PPARD: variants seen among roughly 807,000 people sequenced by gnomAD.
PPARD encodes the protein peroxisome proliferator-activated receptor delta.
PPARD carries 6 observed loss-of-function variants against 39.5 expected under a neutral mutation model. That is an observed-to-expected ratio of 0.15 (90% CI 0.08 to 0.30). The LOEUF (loss-of-function observed/expected upper bound fraction) is 0.30. Ranked by LOEUF, PPARD falls within the 10% of genes least tolerant of loss-of-function variation. The pLI, the probability that PPARD is intolerant of heterozygous loss-of-function variation, is 1.00. For missense variants in PPARD, 397 were observed against 596.8 expected, an observed-to-expected ratio of 0.67 and a Z score of 3.49; for synonymous variants, 210 against 231.3, an observed-to-expected ratio of 0.91 and a Z score of 0.83.
chr6:35,403,244 C>T (rs1764816365), intron 2 of PPARD, among the ~76,000 whole-genome samples: 1 of 152,218 alleles, frequency 6.6e-6, no homozygotes, highest in East Asian at 1.9e-4. Context: ...ATAATAGCAG[C>T]AGCCACTGTG....
Position 35,425,726 on chromosome 6 carries a change from C to CGG in PPARD, c.1079-105_1079-104dup. The CGG allele has an allele frequency of 6.7e-7, 1 of 1,493,200 alleles. No homozygotes were observed. Among genetic ancestry groups the CGG allele is most frequent in the Non-Finnish European group, 9.1e-7 (1 of 1,103,412 alleles). 92.5% of individuals were successfully genotyped at this position (1,493,200 alleles called of 1,614,324 possible). On this transcript the variant is annotated intron_variant, in intron 7 of 7. Coordinates refer to ENST00000360694, the MANE Select transcript of PPARD (RefSeq NM_006238.5). The surrounding 1 kb of genome is among the most constrained non-coding windows in gnomAD (Gnocchi z 4.5). The stretch of plus-strand genomic sequence containing the variant: ...TGATGGGACAGGGCTTGGTCTGTCA[C>CGG]GGCCAAGGAGGCCTGCCGTCCCCTG...
intron 5 of PPARD, 45 bp downstream of exon 5, chr6:35,422,003 G>T: frequency 6.4e-7 from 1 of 1,555,136 alleles, no homozygotes; most frequent in South Asian, 1.2e-5. Flanking sequence ...GCTCCACACA[G>T]CCTGAAACCA....
intron 2 of PPARD, among the ~76,000 whole-genome samples, chr6:35,364,431 C>CTTTTT (rs529866520): frequency 2.4e-5 from 3 of 127,174 alleles, no homozygotes; most frequent in East Asian, 2.1e-4. Context: ...CCATGTTTAA[C>CTTTTT]TTTTTTTTTT....
At chr6:35,418,217 A>G (rs958174582) in intron 3 of PPARD, among the ~76,000 whole-genome samples, 2 of 152,250 alleles carry the variant, frequency 1.3e-5, no homozygotes, top group Admixed American at 1.3e-4. Context: ...GCACAGATTC[A>G]AGGAGGAAGT....
At position 35,414,495 on chromosome 6, in the gene PPARD, C is replaced by T. The variant is rs1044074883; in HGVS notation, c.130+3278C>T. Among the ~76,000 whole-genome samples the T allele has an allele frequency of 2.0e-5, 3 of 152,052 alleles. No homozygotes were observed. The East Asian group carries it at 5.8e-4, about 29-fold the overall frequency. On this transcript the variant is annotated intron_variant, in intron 3 of 7. Coordinates refer to ENST00000360694, the MANE Select transcript of PPARD (RefSeq NM_006238.5). Reference sequence around the variant, plus strand: ...CAGGTGAGGGGCCCTGGAGACAGAGCCTGATCATGTGTCCAGAGCAGAAGG... The same window carrying T: ...CAGGTGAGGGGCCCTGGAGACAGAGTCTGATCATGTGTCCAGAGCAGAAGG...
intron 3 of PPARD, among the ~76,000 whole-genome samples, chr6:35,419,577 G>C (rs911415747): frequency 2.6e-5 from 4 of 152,204 alleles, no homozygotes; most frequent in Non-Finnish European, 5.9e-5. Context: ...GCTTCTTGAA[G>C]AGATTGTTTA....
At chr6:35,355,598 CTTTT>C (rs1166499750) in intron 2 of PPARD, among the ~76,000 whole-genome samples, 6 of 33,458 alleles carry the variant, frequency 1.8e-4, no homozygotes, top group Admixed American at 5.0e-4. Context: ...TCTTCTTCTT[CTTTT>C]TTTTTTTTTT....
At chr6:35,361,610 C>A (rs1003660816) in intron 2 of PPARD, among the ~76,000 whole-genome samples, 2 of 152,184 alleles carry the variant, frequency 1.3e-5, no homozygotes, top group Non-Finnish European at 2.9e-5. Flanking sequence ...TTTGTGGAGC[C>A]CCACAGGGTA....
At chr6:35,406,216 C>A (rs9470017) in intron 2 of PPARD, among the ~76,000 whole-genome samples, 4,260 of 152,298 alleles carry the variant, frequency 0.028, 221 homozygotes, top group African/African-American at 0.096. Flanking sequence ...ATGAGCCATG[C>A]CCAGCCCAGC....
At chr6:35,373,244 G>C (rs7750906) in intron 2 of PPARD, among the ~76,000 whole-genome samples, 7 of 152,068 alleles carry the variant, frequency 4.6e-5, no homozygotes, top group African/African-American at 1.7e-4. Flanking sequence ...AATTTTGGAG[G>C]GTTCACAACA....
intron 2 of PPARD, among the ~76,000 whole-genome samples, chr6:35,388,587 G>A (rs1436882608): frequency 2.6e-5 from 4 of 152,030 alleles, no homozygotes; most frequent in African/African-American, 4.8e-5. Context: ...TGGCGCACAC[G>A]TGTAATCCCA....
At chr6:35,345,417 C>T (rs928308129) in intron 1 of PPARD, among the ~76,000 whole-genome samples, 8 of 152,018 alleles carry the variant, frequency 5.3e-5, no homozygotes, top group African/African-American at 1.7e-4. Context: ...TCCAGAGTAG[C>T]GGGGACTACA....
chr6:35,347,296 T>TG, intron 2 of PPARD, 146 bp downstream of exon 2: 1 of 926,698 alleles, frequency 1.1e-6, no homozygotes, highest in Non-Finnish European at 1.6e-6. Context: ...TACCAGTTGC[T>TG]TATGCATAGT....
chr6:35,348,402 G>A (rs576473960), intron 2 of PPARD: 2 of 985,224 alleles, frequency 2.0e-6, no homozygotes, highest in African/African-American at 3.5e-5. Flanking sequence ...CAATGCTCTG[G>A]GTTCCCATTG....
chr6:35,348,940 T>C (rs1761051752), intron 2 of PPARD: 1 of 985,432 alleles, frequency 1.0e-6, no homozygotes, highest in Non-Finnish European at 1.2e-6. Context: ...TGGCAGCAAT[T>C]GTACGTGCAT....
intron 3 of PPARD, among the ~76,000 whole-genome samples, chr6:35,417,538 T>C (rs1163727287): frequency 6.6e-6 from 1 of 152,098 alleles, no homozygotes; most frequent in Non-Finnish European, 1.5e-5. Flanking sequence ...CCTCCCAAAG[T>C]ACTGCGATTA....
At chr6:35,386,822 G>A (rs957714389) in intron 2 of PPARD, among the ~76,000 whole-genome samples, 3 of 152,082 alleles carry the variant, frequency 2.0e-5, no homozygotes, top group Admixed American at 2.0e-4. Flanking sequence ...TTCCAGCACA[G>A]GATGGTTTCT....
chr6:35,384,693 C>T (rs1445564002), intron 2 of PPARD, among the ~76,000 whole-genome samples: 7 of 90,756 alleles, frequency 7.7e-5, no homozygotes, highest in Non-Finnish European at 1.2e-4. Context: ...CCAGCCGCCC[C>T]GTCTGGGAGG....
At chr6:35,377,040 T>C (rs1449957829) in intron 2 of PPARD, among the ~76,000 whole-genome samples, 9 of 147,532 alleles carry the variant, frequency 6.1e-5, no homozygotes, top group Middle Eastern at 7.0e-3. Flanking sequence ...AAAGAAAGGG[T>C]GACCTCCCAC....
Sources: allele counts gnomAD v4.1 joint callset (sites outside exome capture counted in the v4.1 genomes callset), GRCh38; gene constraint gnomAD v4.1.1; non-coding constraint Gnocchi (gnomAD v3.1); transcripts MANE v1.5; gene names NCBI Gene and HGNC (gene_info 2026-07-23, HGNC 2026-07-21).